The following LARP4B variants were observed in gnomAD, a reference collection of about 807,000 sequenced individuals.
LARP4B encodes La ribonucleoprotein 4B.
LARP4B carries 12 observed loss-of-function variants against 89.8 expected under a neutral mutation model. The observed-to-expected ratio is 0.13, with a 90% CI of 0.09 to 0.22. The LOEUF (loss-of-function observed/expected upper bound fraction) is 0.22. Ranked by LOEUF, LARP4B falls within the 10% of genes least tolerant of loss-of-function variation. LARP4B has a pLI of 1.00. For synonymous variants in LARP4B, 367 were observed against 363.3 expected (o/e 1.01, Z -0.12); for missense variants, 757 against 947.7 (o/e 0.80, Z 2.64).
At chr10:959,991 C>T in the LARP4B span, among the ~76,000 whole-genome samples, 1 of 152,166 alleles carries the variant, frequency 6.6e-6, no homozygotes, top group Non-Finnish European at 1.5e-5. Flanking sequence ...GAATCACCCA[C>T]ACATGGGCAT....
Position 833,005 on chromosome 10 carries a change from GACA to G in LARP4B, c.751-2031_751-2029del, listed in dbSNP as rs201449008. The stretch of plus-strand genomic sequence containing the variant: ...ATGACTGTGTAGAATTAGAATGTGT[GACA>G]ACAGCACAGGCTAGAAGTGGAGAAT... On this transcript the variant is annotated intron_variant, in intron 8 of 17. Coordinates refer to ENST00000316157, the MANE Select transcript of LARP4B (RefSeq NM_015155.3). 5.5e-3 allele frequency among the ~76,000 whole-genome samples: 840 copies of G among 152,252 alleles called. 6 individuals carry two copies. The highest frequency in any genetic ancestry group is 0.019 in the African/African-American group (789 of 41,532).
the LARP4B span, chr10:972,023 CTCTCTT>C: frequency 1.3e-5 from 2 of 158,570 alleles, no homozygotes; most frequent in East Asian, 1.7e-4. Context: ...TCCTCTCTCT[CTCTCTT>C]TATTTTTTTT....
At chr10:889,890 C>T (rs1429627188) in intron 1 of LARP4B, among the ~76,000 whole-genome samples, 2 of 152,110 alleles carry the variant, frequency 1.3e-5, no homozygotes. Flanking sequence ...TGCAGTGAGC[C>T]GAGATCGCCC....
chr10:864,406 G>A (rs1300279470), intron 3 of LARP4B, 136 bp from the exon 4 acceptor site: 2 of 528,962 alleles, frequency 3.8e-6, no homozygotes, highest in East Asian at 3.7e-5. Context: ...CCTTTGGAAT[G>A]AAATCAGGTT....
chr10:910,020 T>G (rs1010512436), intron 1 of LARP4B, among the ~76,000 whole-genome samples: 9 of 152,228 alleles, frequency 5.9e-5, no homozygotes, highest in Admixed American at 4.6e-4. Flanking sequence ...CAGAGAGCCG[T>G]GAGTGTGGGA....
chr10:871,064 T>G (rs1163900917), intron 3 of LARP4B, among the ~76,000 whole-genome samples: 1 of 152,240 alleles, frequency 6.6e-6, no homozygotes, highest in Non-Finnish European at 1.5e-5. Flanking sequence ...TTCCCACTCA[T>G]AGGTTGTTTT....
chr10:913,707 G>C (rs1054906676), intron 1 of LARP4B, among the ~76,000 whole-genome samples: 1 of 152,156 alleles, frequency 6.6e-6, no homozygotes, highest in Non-Finnish European at 1.5e-5. Context: ...CTAGGAGTTC[G>C]AGACCAGCCA....
At chr10:875,448 T>C (rs1315543270) in intron 3 of LARP4B, among the ~76,000 whole-genome samples, 1 of 152,224 alleles carries the variant, frequency 6.6e-6, no homozygotes, top group Admixed American at 6.5e-5. Flanking sequence ...TTCTATCTCA[T>C]ACTAACCAAT....
chr10:830,389 A>G (rs11253453), intron 9 of LARP4B, among the ~76,000 whole-genome samples: 7,061 of 152,244 alleles, frequency 0.046, 551 homozygotes, highest in African/African-American at 0.16. Context: ...TGTTTATACC[A>G]TTTAACACTT....
At chr10:945,436 C>T in the LARP4B span, among the ~76,000 whole-genome samples, 1 of 151,164 alleles carries the variant, frequency 6.6e-6, no homozygotes, top group Non-Finnish European at 1.5e-5. Flanking sequence ...CCTGTAATCC[C>T]AGCACTTTGG....
At chr10:881,525 C>A (rs1271256031) in intron 3 of LARP4B, among the ~76,000 whole-genome samples, 1 of 152,180 alleles carries the variant, frequency 6.6e-6, no homozygotes, top group Non-Finnish European at 1.5e-5. Flanking sequence ...CTGACCACTC[C>A]GCGTCCTAGA....
chr10:943,343 C>G, the LARP4B span, among the ~76,000 whole-genome samples: 1 of 152,194 alleles, frequency 6.6e-6, no homozygotes, highest in African/African-American at 2.4e-5. Context: ...CTCCATCCAT[C>G]TGTGGGATGC....
chr10:949,012 CA>C, the LARP4B span, among the ~76,000 whole-genome samples: 2 of 152,268 alleles, frequency 1.3e-5, no homozygotes, highest in Non-Finnish European at 2.9e-5. Context: ...CCGGGATGAA[CA>C]CCCTGGCCCG....
intron 7 of LARP4B, among the ~76,000 whole-genome samples, chr10:839,572 A>C (rs1393574698): frequency 2.0e-5 from 3 of 152,238 alleles, no homozygotes; most frequent in Non-Finnish European, 4.4e-5. Flanking sequence ...TCATTAGAGA[A>C]ACAGATGTTA....
chr10:832,208 T>C (rs1055749062), intron 8 of LARP4B, among the ~76,000 whole-genome samples: 2 of 151,494 alleles, frequency 1.3e-5, no homozygotes, highest in Admixed American at 1.3e-4. Context: ...CGCGCCCGGC[T>C]AATTTTTTGT....
intron 5 of LARP4B, among the ~76,000 whole-genome samples, chr10:857,329 CTG>C (rs975350454): frequency 1.3e-5 from 2 of 152,110 alleles, no homozygotes; most frequent in African/African-American, 4.8e-5. Context: ...GGGAAAAAAA[CTG>C]TGAGAGATGA....
chr10:916,630 G>A (rs769191555), intron 1 of LARP4B, among the ~76,000 whole-genome samples: 14 of 152,210 alleles, frequency 9.2e-5, no homozygotes, highest in Non-Finnish European at 1.9e-4. Flanking sequence ...GTGAGGTGGA[G>A]GTTGCAGTGA....
intron 1 of LARP4B, among the ~76,000 whole-genome samples, chr10:894,865 T>C (rs1836139776): frequency 6.6e-6 from 1 of 152,284 alleles, no homozygotes; most frequent in Non-Finnish European, 1.5e-5. Context: ...CACTATAGTA[T>C]CCTCTCTACT....
intron 1 of LARP4B, among the ~76,000 whole-genome samples, chr10:914,341 TAC>T (rs1050217055): frequency 1.3e-5 from 2 of 152,174 alleles, no homozygotes; most frequent in African/African-American, 4.8e-5. Flanking sequence ...TTTTCCCTTG[TAC>T]ACAGAGATCT....
Sources: gnomAD v4.1 joint callset for allele counts (sites outside exome capture counted in the v4.1 genomes callset) on GRCh38, gnomAD v4.1.1 for gene constraint, MANE v1.5 for transcripts, NCBI Gene and HGNC (gene_info 2026-07-23, HGNC 2026-07-21) for gene names.